PGM2L1: variants seen among roughly 807,000 people sequenced by gnomAD.
PGM2L1 encodes the protein phosphoglucomutase 2 like 1, also known as glucose 1,6-bisphosphate synthase.
Under a neutral mutation model 73.4 loss-of-function variants are expected in PGM2L1, and 35 were observed. The ratio of observed to expected loss-of-function variants is 0.48; its 90% CI spans 0.36 to 0.63. PGM2L1 has a LOEUF of 0.63. Ranked by LOEUF, PGM2L1 falls within the 30% of genes least tolerant of loss-of-function variation. PGM2L1 has a pLI of 0.00. For synonymous variants in PGM2L1, 225 were observed against 253.8 expected (o/e 0.89, Z 1.08); for missense variants, 570 against 742.0 (o/e 0.77, Z 2.69).
intron 5 of PGM2L1, among the ~76,000 whole-genome samples, chr11:74,362,679 A>G (rs961829011): frequency 6.6e-6 from 1 of 152,192 alleles, no homozygotes; most frequent in African/African-American, 2.4e-5. Context: ...CATAGGCTCA[A>G]AATAAAGGGA....
At chr11:74,371,856 G>T in intron 2 of PGM2L1, 39 bp from the exon 3 acceptor site, 1 of 1,464,568 alleles carries the variant, frequency 6.8e-7, no homozygotes, top group Non-Finnish European at 9.6e-7. Flanking sequence ...TCTAATGGAT[G>T]CTTGCATTTC....
chr11:74,333,820 C>G lies in PGM2L1; in HGVS notation c.*2832G>C, dbSNP rs2134871267. On this transcript the variant is annotated 3_prime_UTR_variant, in exon 14 of 14. Transcript: ENST00000298198. ...GCTTTGATCTTGCCCTACTAATTCT[C>G]TCCTTTTCTCCAAAGCTTTAGAAAA... 1 of 152,328 alleles carries G rather than the reference C, an allele frequency of 6.6e-6. No individual in the cohort carries two copies. 9.4% of individuals were successfully genotyped at this position (152,328 alleles called of 1,614,324 possible).
intron 6 of PGM2L1, among the ~76,000 whole-genome samples, chr11:74,350,093 A>G (rs973275510): frequency 6.6e-6 from 1 of 152,238 alleles, no homozygotes; most frequent in African/African-American, 2.4e-5. Context: ...AATGTAAATA[A>G]GAAAAGACAG....
At chr11:74,383,824 AAT>A (rs377358856) in intron 1 of PGM2L1, among the ~76,000 whole-genome samples, 5 of 121,836 alleles carry the variant, frequency 4.1e-5, no homozygotes, top group East Asian at 4.2e-4. Context: ...TATATAAATA[AAT>A]ATATATATAT....
At chr11:74,360,452 C>G (rs904527295) in intron 5 of PGM2L1, among the ~76,000 whole-genome samples, 1 of 151,942 alleles carries the variant, frequency 6.6e-6, no homozygotes. Flanking sequence ...CGAATAGGAA[C>G]AGCTCCAGTC....
chr11:74,398,426 TC>T lies in PGM2L1; in HGVS notation c.-266del, dbSNP rs370518764. On this transcript the variant is annotated 5_prime_UTR_variant, in exon 1 of 14. Transcript: ENST00000298198. Reference sequence around the variant, plus strand: ...CGGTCGCGCCGCGAGAGAACAACAGTCCCAGATGTCTGGGTCCTGGCTCCGC... The same window carrying T: ...CGGTCGCGCCGCGAGAGAACAACAGTCCAGATGTCTGGGTCCTGGCTCCGC... The T allele has an allele frequency of 4.8e-3, 1,777 of 368,560 alleles. 25 individuals carry two copies. Among genetic ancestry groups the T allele is most frequent in the African/African-American group, 0.034 (1,618 of 47,310 alleles). 22.8% of individuals were successfully genotyped at this position (368,560 alleles called of 1,614,324 possible).
intron 4 of PGM2L1, 116 bp downstream of exon 4, chr11:74,370,786 G>T (rs1310993831): frequency 1.4e-6 from 1 of 707,324 alleles, no homozygotes; most frequent in South Asian, 3.8e-5. Context: ...CCTTCCATTG[G>T]TCCCTTATAT....
chr11:74,342,267 C>T (rs1862194245), intron 12 of PGM2L1, among the ~76,000 whole-genome samples, 194 bp downstream of exon 12: 1 of 152,124 alleles, frequency 6.6e-6, no homozygotes, highest in Non-Finnish European at 1.5e-5. Context: ...CTCCAGGCCC[C>T]AACCCCACCC....
At chr11:74,397,568 G>A (rs34746876) in intron 1 of PGM2L1, 113,848 of 152,340 alleles carry the variant, frequency 0.75, 43,204 homozygotes, top group Non-Finnish European at 0.82. Flanking sequence ...GTGATAAAAG[G>A]CCAGCAACTA....
intron 3 of PGM2L1, among the ~76,000 whole-genome samples, chr11:74,371,320 A>C (rs1206078689): frequency 6.6e-6 from 1 of 152,210 alleles, no homozygotes; most frequent in Non-Finnish European, 1.5e-5. Flanking sequence ...TGATAAACTC[A>C]ATATGCATTA....
Position 74,343,388 on chromosome 11 carries a change from C to T in PGM2L1, c.1247G>A (p.Gly416Glu), listed in dbSNP as rs1372762250. 4 of 1,609,326 alleles carry T rather than the reference C, an allele frequency of 2.5e-6. No individual in the cohort carries two copies. Among genetic ancestry groups the T allele is most frequent in the Non-Finnish European group, 3.4e-6 (4 of 1,178,768 alleles). Residue 416 changes from glycine to glutamate, a missense_variant, in exon 10 of 14, where the codon GGA becomes GAA. Physicochemically the swap from Gly to Glu is moderately conservative, Grantham distance 98. Coordinates refer to ENST00000298198, the MANE Select transcript of PGM2L1 (RefSeq NM_173582.6). Reference sequence around the variant, plus strand: ...TTCCAGGAGGTCTATTATCCTACTTCCAATCCATTTAAAACCTGGTAATGT... The same window carrying T: ...TTCCAGGAGGTCTATTATCCTACTTTCAATCCATTTAAAACCTGGTAATGT... ...EETLPGFKWIGSRIIDLLENG... is the reference protein window; with the variant it reads ...EETLPGFKWIESRIIDLLENG...
intron 1 of PGM2L1, among the ~76,000 whole-genome samples, chr11:74,382,935 C>T (rs1565445206): frequency 6.6e-6 from 1 of 152,126 alleles, no homozygotes; most frequent in Non-Finnish European, 1.5e-5. Context: ...TAGGTGCAGC[C>T]GTCTTTAAAA....
At chr11:74,374,656 A>G in intron 1 of PGM2L1, 74 bp from the exon 2 acceptor site, 3 of 1,272,724 alleles carry the variant, frequency 2.4e-6, no homozygotes, top group Non-Finnish European at 3.3e-6. Flanking sequence ...CTGAGGGGTC[A>G]ATATGTACAT....
intron 5 of PGM2L1, among the ~76,000 whole-genome samples, chr11:74,365,756 T>C (rs1862645464): frequency 6.6e-6 from 1 of 152,210 alleles, no homozygotes; most frequent in East Asian, 1.9e-4. Context: ...ACTTTTACAC[T>C]GTTGGTGGGA....
chr11:74,347,715 A>G (rs751393031), intron 6 of PGM2L1, among the ~76,000 whole-genome samples: 4 of 152,176 alleles, frequency 2.6e-5, no homozygotes, highest in Non-Finnish European at 4.4e-5. Flanking sequence ...TTTAGATTGC[A>G]AAGTACCTAA....
chr11:74,369,364 G>C (rs1202808483), intron 4 of PGM2L1, among the ~76,000 whole-genome samples: 20 of 150,802 alleles, frequency 1.3e-4, no homozygotes, highest in Admixed American at 1.3e-3. Context: ...TAATAATAGA[G>C]AGAAATTTGA....
intron 4 of PGM2L1, among the ~76,000 whole-genome samples, chr11:74,370,168 A>G (rs1490208170): frequency 6.6e-6 from 1 of 152,086 alleles, no homozygotes; most frequent in East Asian, 1.9e-4. Flanking sequence ...TTCCCTATAC[A>G]TTTTTAACCA....
intron 5 of PGM2L1, among the ~76,000 whole-genome samples, chr11:74,356,413 G>A (rs768338017): frequency 1.2e-4 from 18 of 152,080 alleles, no homozygotes; most frequent in Non-Finnish European, 2.2e-4. Flanking sequence ...ATCAATAAAT[G>A]ATTTAATTAT....
chr11:74,385,712 G>A (rs1251566049), intron 1 of PGM2L1, among the ~76,000 whole-genome samples: 2 of 151,646 alleles, frequency 1.3e-5, no homozygotes, highest in African/African-American at 2.4e-5. Flanking sequence ...ATTTTGAAAT[G>A]GCGAAAATAC....
Sources: gnomAD v4.1 joint callset for allele counts (sites outside exome capture counted in the v4.1 genomes callset) on GRCh38, gnomAD v4.1.1 for gene constraint, MANE v1.5 for transcripts, NCBI Gene and HGNC (gene_info 2026-07-23, HGNC 2026-07-21) for gene names.